PDE4B: variants seen among roughly 807,000 people sequenced by gnomAD.
PDE4B encodes the protein 3',5'-cyclic-AMP phosphodiesterase 4B.
A neutral mutation model predicts 82.2 loss-of-function variants in PDE4B; 20 were observed. The observed-to-expected ratio is 0.24, with a 90% CI of 0.17 to 0.35. PDE4B has a LOEUF of 0.35. PDE4B is among the 10% of genes least tolerant of loss of function. The probability of loss-of-function intolerance (pLI) is 1.00; values close to 1 mark genes in which losing one functional copy is unlikely to be tolerated. For synonymous variants in PDE4B, 320 were observed against 318.9 expected (o/e 1.00, Z -0.04); for missense variants, 655 against 907.2 (o/e 0.72, Z 3.57).
chr1:65,947,721 A>G (rs901509868), intron 3 of PDE4B, among the ~76,000 whole-genome samples: 2 of 151,936 alleles, frequency 1.3e-5, no homozygotes, highest in Non-Finnish European at 2.9e-5. Flanking sequence ...TTATGCTGCC[A>G]CAAGTGATGG....
At chr1:66,288,085 A>G (rs1050210687) in intron 7 of PDE4B, among the ~76,000 whole-genome samples, 1 of 152,120 alleles carries the variant, frequency 6.6e-6, no homozygotes, top group South Asian at 2.1e-4. Flanking sequence ...ACAGTTCTGT[A>G]TGATGGCCTA....
intron 3 of PDE4B, among the ~76,000 whole-genome samples, chr1:66,016,590 CCAGT>C (rs771695470): frequency 9.9e-5 from 15 of 151,936 alleles, no homozygotes; most frequent in Non-Finnish European, 1.5e-4. Context: ...CAAGTGTAAT[CCAGT>C]CAGTGAGAGG....
In PDE4B at chr1:66,347,084, C is replaced by T. The variant is rs192822740; in HGVS notation, c.748-8443C>T. 1.7e-4 allele frequency among the ~76,000 whole-genome samples: 26 copies of T among 152,266 alleles called. No homozygotes were observed. The East Asian group carries it at 3.7e-3, about 21-fold the overall frequency. ...ATGCTCCTATATCATGCTGTTATGA[C>T]GTTGGGTTAGCTGAGGTCACTGGTA... On this transcript the variant is annotated intron_variant, in intron 8 of 16. Transcript: ENST00000341517.
At chr1:66,005,153 A>G (rs1652079031) in intron 3 of PDE4B, among the ~76,000 whole-genome samples, 1 of 152,118 alleles carries the variant, frequency 6.6e-6, no homozygotes, top group South Asian at 2.1e-4. Flanking sequence ...ATTATCAAAT[A>G]CCATACACAT....
At chr1:65,952,463 CTGAGGTCAGGAGTTTGAGA>C (rs1185122388) in intron 3 of PDE4B, among the ~76,000 whole-genome samples, 6 of 151,866 alleles carry the variant, frequency 4.0e-5, no homozygotes, top group African/African-American at 1.5e-4. Flanking sequence ...GGTGGATCAC[CTGAGGTCAGGAGTTTGAGA>C]TCAGCGTGGT....
At chr1:65,993,443 A>T (rs774861743) in intron 3 of PDE4B, among the ~76,000 whole-genome samples, 20 of 152,164 alleles carry the variant, frequency 1.3e-4, no homozygotes, top group Non-Finnish European at 2.5e-4. Context: ...TTTTAAAGTC[A>T]GTTTTTTGTT....
At chr1:66,338,232 G>A (rs143478726) in intron 8 of PDE4B, among the ~76,000 whole-genome samples, 1 of 152,162 alleles carries the variant, frequency 6.6e-6, no homozygotes, top group South Asian at 2.1e-4. Flanking sequence ...ATAGAGCCAG[G>A]ATTCATATCC....
At chr1:66,322,155 G>A (rs548276507) in intron 7 of PDE4B, among the ~76,000 whole-genome samples, 111 of 152,024 alleles carry the variant, frequency 7.3e-4, no homozygotes, top group African/African-American at 2.4e-3. Flanking sequence ...TCCTTATACC[G>A]TATACAAAAA....
At position 66,041,799 on chromosome 1, in the gene PDE4B, T is replaced by TACACACACACAC. The variant is rs376075112; in HGVS notation, c.281+122982_281+122993dup. 2.3e-4 allele frequency among the ~76,000 whole-genome samples: 32 copies of TACACACACACAC among 139,140 alleles called. 2 individuals carry two copies. The highest frequency in any genetic ancestry group is 8.1e-4 in the African/African-American group (31 of 38,360). 91.3% of individuals were successfully genotyped at this position (139,140 alleles called of 152,430 possible). The stretch of plus-strand genomic sequence containing the variant: ...AATCTATTTTACTTTTGCTTTGAAA[T>TACACACACACAC]ACACACACACACACACACACACACA... On this transcript the variant is annotated intron_variant, in intron 3 of 16. Transcript: ENST00000341517.
At chr1:66,212,998 T>C (rs904734033) in intron 3 of PDE4B, among the ~76,000 whole-genome samples, 1 of 152,224 alleles carries the variant, frequency 6.6e-6, no homozygotes, top group Non-Finnish European at 1.5e-5. Context: ...CACTCTAGTT[T>C]TGTTCCTCCT....
chr1:66,106,429 G>C (rs1054574870), intron 3 of PDE4B, among the ~76,000 whole-genome samples: 16 of 152,120 alleles, frequency 1.1e-4, no homozygotes, highest in Non-Finnish European at 2.1e-4. Flanking sequence ...CCAGGCTTTG[G>C]TATCAGGATG....
intron 3 of PDE4B, among the ~76,000 whole-genome samples, chr1:66,015,932 T>C (rs1039593193): frequency 1.2e-4 from 18 of 152,214 alleles, no homozygotes; most frequent in African/African-American, 4.3e-4. Context: ...CTGCTAATAA[T>C]TTTCTATATT....
chr1:66,060,510 T>C (rs1484082071), intron 3 of PDE4B, among the ~76,000 whole-genome samples: 1 of 152,216 alleles, frequency 6.6e-6, no homozygotes, highest in Non-Finnish European at 1.5e-5. Context: ...ACGTGTAAAA[T>C]ACACACTGGA....
intron 3 of PDE4B, among the ~76,000 whole-genome samples, chr1:66,078,689 G>C (rs1046380462): frequency 6.6e-6 from 1 of 152,116 alleles, no homozygotes. Context: ...AATCATGACA[G>C]CTTCCTCATT....
Position 65,848,441 on chromosome 1 carries a change from G to A in PDE4B, c.-71+55193G>A, listed in dbSNP as rs554550197. On this transcript the variant is annotated intron_variant, in intron 1 of 16. Coordinates refer to ENST00000341517, the MANE Select transcript of PDE4B (RefSeq NM_002600.4). ...TTACAGCTGTAAGCCACCACGCCTG[G>A]CCCAGCTTGATAAATTTTGACATAT... Among the ~76,000 whole-genome samples the A allele has an allele frequency of 7.2e-5, 9 of 124,898 alleles. No individual in the cohort carries two copies. In the South Asian group the frequency reaches 2.7e-3, roughly 38 times the overall value. The allele number at this position is 124,898 out of a possible 152,430, so 81.9% of individuals were successfully genotyped here. A position where few individuals can be genotyped will look rare whatever the true frequency, so the allele number is the denominator to read the frequency against.
chr1:65,942,400 T>TAAGA (rs1325415206), intron 3 of PDE4B, among the ~76,000 whole-genome samples: 1 of 152,042 alleles, frequency 6.6e-6, no homozygotes, highest in Non-Finnish European at 1.5e-5. Context: ...TCTTTTCATA[T>TAAGA]ATATGCCACA....
At chr1:65,958,214 A>T (rs190273774) in intron 3 of PDE4B, among the ~76,000 whole-genome samples, 2 of 152,066 alleles carry the variant, frequency 1.3e-5, no homozygotes, top group African/African-American at 2.4e-5. Context: ...TTTTTAAATT[A>T]TATTTTTCCC....
At chr1:65,967,669 C>T (rs536986422) in intron 3 of PDE4B, among the ~76,000 whole-genome samples, 2 of 152,150 alleles carry the variant, frequency 1.3e-5, no homozygotes, top group African/African-American at 4.8e-5. Flanking sequence ...CTCATATACA[C>T]CATGGAATAC....
intron 3 of PDE4B, among the ~76,000 whole-genome samples, chr1:66,218,999 C>A (rs1387416139): frequency 1.3e-5 from 2 of 152,146 alleles, no homozygotes; most frequent in Non-Finnish European, 2.9e-5. Flanking sequence ...TATTTGATAG[C>A]ATCAGTGTTC....
Sources: gnomAD v4.1 joint callset for allele counts (sites outside exome capture counted in the v4.1 genomes callset) on GRCh38, gnomAD v4.1.1 for gene constraint, MANE v1.5 for transcripts, NCBI Gene and HGNC (gene_info 2026-07-23, HGNC 2026-07-21) for gene names.